The following HDAC2 variants were observed in gnomAD, a reference collection of about 807,000 sequenced individuals.
HDAC2 encodes the protein histone deacetylase 2.
In HDAC2, 5 loss-of-function variants were observed where a neutral mutation model predicts 68.5. The observed-to-expected ratio is 0.07, with a 90% CI of 0.04 to 0.15. The LOEUF is 0.15. Ranked by LOEUF, HDAC2 falls within the 10% of genes least tolerant of loss-of-function variation. HDAC2 has a pLI of 1.00. For missense variants in HDAC2, 291 were observed against 600.8 expected, an observed-to-expected ratio of 0.48 and a Z score of 5.39; for synonymous variants, 182 against 191.3, an observed-to-expected ratio of 0.95 and a Z score of 0.40.
At chr6:113,948,822 A>C in intron 8 of HDAC2, 157 bp downstream of exon 8, 1 of 651,142 alleles carries the variant, frequency 1.5e-6, no homozygotes, top group Non-Finnish European at 2.5e-6. Context: ...AACAAGAATA[A>C]CTCTAGTCAT....
chr6:113,952,842 G>GA (rs944849637), intron 6 of HDAC2, among the ~76,000 whole-genome samples: 10 of 150,348 alleles, frequency 6.7e-5, no homozygotes, highest in Middle Eastern at 3.2e-3. Context: ...GAAGCTTAAA[G>GA]AAAAAAAAAG....
At chr6:113,964,670 T>A (rs1257089276) in intron 1 of HDAC2, among the ~76,000 whole-genome samples, 1 of 152,246 alleles carries the variant, frequency 6.6e-6, no homozygotes, top group Non-Finnish European at 1.5e-5. Context: ...TCACCTGATA[T>A]AAGCTGAGAA....
chr6:113,958,599 T>C (rs1348078678), intron 3 of HDAC2, 50 bp downstream of exon 3: 1 of 869,246 alleles, frequency 1.2e-6, no homozygotes, highest in Non-Finnish European at 1.9e-6. Context: ...CTCCTAAAAA[T>C]ACTAATTTAC....
intron 8 of HDAC2, 64 bp downstream of exon 8, chr6:113,948,915 G>T: frequency 6.4e-7 from 1 of 1,563,694 alleles, no homozygotes; most frequent in Non-Finnish European, 8.7e-7. Context: ...GAACTTTTAC[G>T]GGGAGTTCTT....
rs1776112584 is a variant in HDAC2 at position 113,940,795 on chromosome 6, G to C, written c.*263C>G. The stretch of plus-strand genomic sequence containing the variant: ...AGAAAGGCCAATTACTTCTTTAATA[G>C]ATCAGTTTTTTTGACATAATAACTC... On this transcript the variant is annotated 3_prime_UTR_variant, in exon 14 of 14. Coordinates refer to ENST00000519065, the MANE Select transcript of HDAC2 (RefSeq NM_001527.4). 8.9e-6 allele frequency: 3 copies of C among 337,040 alleles called. No homozygotes were observed. Among genetic ancestry groups the C allele is most frequent in the African/African-American group, 6.4e-5 (3 of 46,906 alleles). 20.9% of individuals were successfully genotyped at this position (337,040 alleles called of 1,614,324 possible).
At chr6:113,970,675 G>A (rs375844293) in intron 1 of HDAC2, 182 bp downstream of exon 1, 1 of 1,353,212 alleles carries the variant, frequency 7.4e-7, no homozygotes, top group Non-Finnish European at 9.4e-7. Flanking sequence ...AGGAACCGCG[G>A]GGGCTGCGCC....
intron 1 of HDAC2, among the ~76,000 whole-genome samples, chr6:113,963,971 T>C (rs1350947505): frequency 6.6e-6 from 1 of 152,170 alleles, no homozygotes; most frequent in African/African-American, 2.4e-5. Context: ...TTACACTTTT[T>C]CAGATTTTGT....
intron 10 of HDAC2, 132 bp downstream of exon 10, chr6:113,945,230 A>C (rs1776241321): frequency 2.2e-6 from 1 of 445,388 alleles, no homozygotes; most frequent in Non-Finnish European, 3.9e-6. Flanking sequence ...CAGTAACTTA[A>C]TGTTTCAAAT....
chr6:113,970,732 G>C, intron 1 of HDAC2, 125 bp downstream of exon 1: 1 of 1,415,396 alleles, frequency 7.1e-7, no homozygotes, highest in Non-Finnish European at 9.1e-7. Context: ...AACGGGTTAA[G>C]ATGCGGCCAA....
At chr6:113,957,643 C>G (rs1177575936) in intron 3 of HDAC2, among the ~76,000 whole-genome samples, 1 of 152,058 alleles carries the variant, frequency 6.6e-6, no homozygotes, top group Admixed American at 6.6e-5. Flanking sequence ...CACCACCACA[C>G]CCAGCTAATT....
At chr6:113,951,470 CT>C (rs10715453) in intron 6 of HDAC2, among the ~76,000 whole-genome samples, 59,331 of 116,752 alleles carry the variant, frequency 0.51, 11,588 homozygotes, top group African/African-American at 0.59. Flanking sequence ...ACTGTAAAAT[CT>C]TTTTTTTTTT....
rs940446812 is a variant in HDAC2, at chr6:113,939,187, T to C, written c.*1871A>G. 3 of 152,442 alleles carry C rather than the reference T, an allele frequency of 2.0e-5. No individual in the cohort carries two copies. Among genetic ancestry groups the C allele is most frequent in the East Asian group, 1.9e-4 (1 of 5,204 alleles). 9.4% of individuals were successfully genotyped at this position (152,442 alleles called of 1,614,324 possible). On this transcript the variant is annotated 3_prime_UTR_variant, in exon 14 of 14. Transcript: ENST00000519065. ...ATAGGTGACTCTACCACAGCCCCTG[T>C]TGTCCTGTGAGCTGCAGGCACTGGG...
Position 113,939,582 on chromosome 6 carries a change from T to C in HDAC2, c.*1476A>G, listed in dbSNP as rs1776082354. On this transcript the variant is annotated 3_prime_UTR_variant, in exon 14 of 14. Transcript: ENST00000519065. ...CTTAGTTCCTAATGTCATAAAGGTT[T>C]ACAGATTGATAACAAATATGTAGCA... The C allele has an allele frequency of 6.6e-6, 1 of 152,340 alleles. No homozygotes were observed. Among genetic ancestry groups the C allele is most frequent in the African/African-American group, 2.4e-5 (1 of 41,580 alleles). 9.4% of individuals were successfully genotyped at this position (152,340 alleles called of 1,614,324 possible).
intron 12 of HDAC2, among the ~76,000 whole-genome samples, chr6:113,942,859 C>T (rs1327670001): frequency 6.6e-6 from 1 of 152,140 alleles, no homozygotes; most frequent in Admixed American, 6.5e-5. Flanking sequence ...CCCAAATCCC[C>T]TCCTAGCTTT....
intron 9 of HDAC2, 52 bp downstream of exon 9, chr6:113,945,956 G>A (rs1776255349): frequency 7.3e-7 from 1 of 1,375,648 alleles, no homozygotes; most frequent in Non-Finnish European, 1.0e-6. Context: ...AATTAGAGGA[G>A]CATCTGTATT....
At position 113,933,260 on chromosome 6, in the gene HDAC2, C is replaced by T. The variant is rs1039270667; in HGVS notation, c.*7798G>A. 3.9e-5 allele frequency: 6 copies of T among 152,214 alleles called. No homozygotes were observed. The highest frequency in any genetic ancestry group is 8.8e-5 in the Non-Finnish European group (6 of 68,028). 9.4% of individuals were successfully genotyped at this position (152,214 alleles called of 1,614,324 possible). A position where few individuals can be genotyped will look rare whatever the true frequency, so the allele number is the denominator to read the frequency against. On this transcript the variant is annotated 3_prime_UTR_variant, in exon 14 of 14. Transcript: ENST00000519065. ...TACCTGACTGGGTGCACTGAGAACA[C>T]AGCATCATTCCTGTGATATTCTTGC...
At chr6:113,956,832 T>C (rs1422564487) in intron 3 of HDAC2, 139 bp from the exon 4 acceptor site, 2 of 599,934 alleles carry the variant, frequency 3.3e-6, no homozygotes, top group African/African-American at 3.7e-5. Flanking sequence ...ATATAAAGTT[T>C]CCAACTTTAA....
chr6:113,960,406 C>A (rs2114613438), intron 1 of HDAC2, among the ~76,000 whole-genome samples: 1 of 152,076 alleles, frequency 6.6e-6, no homozygotes, highest in African/African-American at 2.4e-5. Flanking sequence ...TCAGCAAATA[C>A]TGCTTTTTGG....
In HDAC2 at chr6:113,950,217, T is replaced by C. The variant is rs192149892; in HGVS notation, c.640-957A>G. 3.3e-5 allele frequency among the ~76,000 whole-genome samples: 5 copies of C among 152,188 alleles called. No individual in the cohort carries two copies. In the East Asian group the frequency reaches 9.6e-4, roughly 29 times the overall value. ...CATATACTCTTAAATGATATATACATATATTATATATACTTACTTATTTGT... is the reference window on the plus strand; with the variant it reads ...CATATACTCTTAAATGATATATACACATATTATATATACTTACTTATTTGT... On this transcript the variant is annotated intron_variant, in intron 6 of 13. Transcript: ENST00000519065.
Sources: gnomAD v4.1 joint callset for allele counts (sites outside exome capture counted in the v4.1 genomes callset) on GRCh38, gnomAD v4.1.1 for gene constraint, MANE v1.5 for transcripts, NCBI Gene and HGNC (gene_info 2026-07-23, HGNC 2026-07-21) for gene names.